Variants in SCN11A observed in about 807,000 individuals in gnomAD.
SCN11A encodes the protein sodium voltage-gated channel alpha subunit 11, also known as sodium channel protein type 11 subunit alpha.
SCN11A carries 122 observed loss-of-function variants against 162.2 expected under a neutral mutation model. The ratio of observed to expected loss-of-function variants is 0.75; its 90% confidence interval spans 0.65 to 0.87. SCN11A has a LOEUF of 0.87. SCN11A is among the 40% of genes least tolerant of loss of function. The pLI is 0.00. For synonymous variants in SCN11A, 758 were observed against 751.5 expected (o/e 1.01, Z -0.14); for missense variants, 2,015 against 2,181.6 (o/e 0.92, Z 1.52).
chr3:38,904,908 G>A (rs966427762), intron 15 of SCN11A, among the ~76,000 whole-genome samples: 3 of 152,128 alleles, frequency 2.0e-5, no homozygotes, highest in African/African-American at 7.2e-5. Flanking sequence ...CTGGTTTGAG[G>A]CCCTGTTTAT....
chr3:39,003,122 C>T (rs146489523), intron 2 of SCN11A, among the ~76,000 whole-genome samples: 2,132 of 152,230 alleles, frequency 0.014, 16 homozygotes, highest in Non-Finnish European at 0.018. Flanking sequence ...ATTATTCAAT[C>T]ACCCAGGTAT....
intron 16 of SCN11A, among the ~76,000 whole-genome samples, chr3:38,903,498 T>C (rs1292461086): frequency 6.6e-6 from 1 of 152,240 alleles, no homozygotes; most frequent in Non-Finnish European, 1.5e-5. Flanking sequence ...CACATTATTT[T>C]GTGACAAATG....
intron 14 of SCN11A, 77 bp downstream of exon 14, chr3:38,907,871 TA>T: frequency 8.1e-7 from 1 of 1,228,878 alleles, no homozygotes; most frequent in South Asian, 1.5e-5. Flanking sequence ...ATAAATGAAT[TA>T]TTTCAATTTG....
chr3:38,938,548 ATATTTTTTTT>A (rs2066388989), intron 7 of SCN11A, among the ~76,000 whole-genome samples: 1 of 16,936 alleles, frequency 5.9e-5, no homozygotes, highest in Non-Finnish European at 9.4e-5. Context: ...ATATATATAT[ATATTTTTTTT>A]TTTTTTTTTT....
chr3:38,969,474 A>C (rs997009771), intron 2 of SCN11A, among the ~76,000 whole-genome samples: 1 of 152,080 alleles, frequency 6.6e-6, no homozygotes, highest in Admixed American at 6.5e-5. Flanking sequence ...CTCCTTAGGG[A>C]ACACAGGGAG....
chr3:38,968,970 C>A (rs1179096851), intron 2 of SCN11A, among the ~76,000 whole-genome samples: 2 of 152,216 alleles, frequency 1.3e-5, no homozygotes, highest in Non-Finnish European at 2.9e-5. Context: ...CCCTACCCCA[C>A]ACACAGATAC....
chr3:38,990,978 T>A (rs7642737), intron 2 of SCN11A, among the ~76,000 whole-genome samples: 1 of 151,774 alleles, frequency 6.6e-6, no homozygotes, highest in South Asian at 2.1e-4. Flanking sequence ...CCCCATTCAG[T>A]GGCCAATCAC....
chr3:39,004,525 A>G (rs1054232472), intron 2 of SCN11A, among the ~76,000 whole-genome samples: 1 of 152,124 alleles, frequency 6.6e-6, no homozygotes, highest in African/African-American at 2.4e-5. Context: ...ATTCCATATG[A>G]ATTTTAAAAT....
At position 38,886,165 on chromosome 3, in the gene SCN11A, G is replaced by A. The variant is rs2065395712; in HGVS notation, c.2909C>T (p.Ser970Phe). 1 of 1,612,900 alleles carries A rather than the reference G, an allele frequency of 6.2e-7. No individual in the cohort carries two copies. The highest frequency in any genetic ancestry group is 1.3e-5 in the African/African-American group (1 of 74,882). ...RVQSVEIDMF[S>F]EDEPHLTIQD... Reference sequence around the variant, plus strand: ...TATGGTCAGATGAGGCTCATCTTCAGAGAACATGTCAATTTCCACACTTTG... The same window carrying A: ...TATGGTCAGATGAGGCTCATCTTCAAAGAACATGTCAATTTCCACACTTTG... Residue 970 changes from serine to phenylalanine, a missense_variant, in exon 20 of 30, where the codon TCT (serine) becomes TTT (phenylalanine). Ser to Phe is a radical substitution (Grantham distance 155, BLOSUM62 -2). Coordinates refer to ENST00000302328, the MANE Select transcript of SCN11A (RefSeq NM_001349253.2).
chr3:38,850,223 T>C, intron 29 of SCN11A: 3 of 381,806 alleles, frequency 7.9e-6, no homozygotes, highest in Non-Finnish European at 1.4e-5. Context: ...ATTTTGTCTA[T>C]TTCCATTGAA....
At chr3:39,034,057 G>A (rs1356789653) in intron 1 of SCN11A, among the ~76,000 whole-genome samples, 1 of 152,104 alleles carries the variant, frequency 6.6e-6, no homozygotes, top group Non-Finnish European at 1.5e-5. Context: ...AGCTACTCAG[G>A]AGGCTGAAGC....
At chr3:38,932,721 G>A (rs2066263201) in intron 7 of SCN11A, among the ~76,000 whole-genome samples, 1 of 152,212 alleles carries the variant, frequency 6.6e-6, no homozygotes, top group African/African-American at 2.4e-5. Context: ...CAGCCGAGAA[G>A]CTCCAACTGG....
chr3:38,920,936 C>T (rs1478042517), intron 10 of SCN11A, 140 bp downstream of exon 10: 2 of 775,550 alleles, frequency 2.6e-6, no homozygotes, highest in African/African-American at 3.5e-5. Flanking sequence ...TGCATCTGCC[C>T]ACAGGAGCAC....
intron 2 of SCN11A, among the ~76,000 whole-genome samples, chr3:39,010,378 CTTTTTTCT>C (rs1435475348): frequency 1.2e-4 from 15 of 120,734 alleles, no homozygotes; most frequent in South Asian, 9.2e-4. Flanking sequence ...TTTAGTTTTT[CTTTTTTCT>C]TTTTTTTTTT....
Position 38,846,360 on chromosome 3 carries a change from C to A in SCN11A, c.*334G>T, listed in dbSNP as rs1257638111. On this transcript the variant is annotated 3_prime_UTR_variant, in exon 30 of 30. Transcript: ENST00000302328. Reference sequence around the variant, plus strand: ...ATCTCTTGACCTCGTGATCCACCTGCCTTGGCCTCTCAAAGTGCTGGGATT... The same window carrying A: ...ATCTCTTGACCTCGTGATCCACCTGACTTGGCCTCTCAAAGTGCTGGGATT... 9 of 237,508 alleles carry A rather than the reference C, an allele frequency of 3.8e-5. No individual in the cohort carries two copies. Among genetic ancestry groups the A allele is most frequent in the Non-Finnish European group, 6.7e-5 (8 of 120,068 alleles). 14.7% of individuals were successfully genotyped at this position (237,508 alleles called of 1,614,324 possible).
chr3:38,887,627 A>C (rs941061314), intron 19 of SCN11A, among the ~76,000 whole-genome samples: 2 of 151,664 alleles, frequency 1.3e-5, no homozygotes, highest in African/African-American at 2.4e-5. Flanking sequence ...TAAAATAAAA[A>C]CCCCCGCATT....
At chr3:38,868,403 C>G (rs2065074500) in intron 26 of SCN11A, among the ~76,000 whole-genome samples, 1 of 152,186 alleles carries the variant, frequency 6.6e-6, no homozygotes, top group African/African-American at 2.4e-5. Flanking sequence ...AGTACAGAAA[C>G]AACGTAATGG....
At chr3:38,997,614 G>C (rs574234297) in intron 2 of SCN11A, among the ~76,000 whole-genome samples, 2 of 152,334 alleles carry the variant, frequency 1.3e-5, no homozygotes, top group African/African-American at 4.8e-5. Flanking sequence ...GCAAGGATCT[G>C]TATCTGTTTT....
chr3:38,912,184 A>G (rs2065895778), intron 11 of SCN11A, among the ~76,000 whole-genome samples: 1 of 152,160 alleles, frequency 6.6e-6, no homozygotes, highest in Admixed American at 6.5e-5. Context: ...TGGACCTACC[A>G]TATTTAATCT....
Sources: gnomAD v4.1 joint callset for allele counts (sites outside exome capture counted in the v4.1 genomes callset) on GRCh38, gnomAD v4.1.1 for gene constraint, MANE v1.5 for transcripts, NCBI Gene and HGNC (gene_info 2026-07-23, HGNC 2026-07-21) for gene names.